SMTNL2: variants seen among roughly 807,000 people sequenced by gnomAD.
The protein encoded by SMTNL2 is smoothelin like 2.
In SMTNL2, 43 loss-of-function variants were observed where a neutral mutation model predicts 44.1. The observed-to-expected ratio is 0.98, with a 90% confidence interval of 0.76 to 1.26. The LOEUF is 1.26. SMTNL2 is among the 50% of genes most tolerant of loss of function. The pLI, the probability that SMTNL2 is intolerant of heterozygous loss-of-function variation, is 0.00. For synonymous variants in SMTNL2, 317 were observed against 287.6 expected (o/e 1.10, Z -1.03); for missense variants, 646 against 670.2 (o/e 0.96, Z 0.40).
rs1909920363 is a variant in SMTNL2 at position 4,598,860 on chromosome 17, G to A, written c.1259+1537G>A. On this transcript the variant is annotated intron_variant, in intron 7 of 7. Coordinates refer to ENST00000389313, the MANE Select transcript of SMTNL2 (RefSeq NM_001114974.2). The surrounding 1 kb of genome is among the most constrained non-coding windows in gnomAD (Gnocchi z 4.8). Reference sequence around the variant, plus strand: ...AAAAAGTGGTCCTCATGGGCTTGTTGGGTTAAAGGAGCCTCACCCCAGGCC... The same window carrying A: ...AAAAAGTGGTCCTCATGGGCTTGTTAGGTTAAAGGAGCCTCACCCCAGGCC... Among the ~76,000 whole-genome samples, 1 of 151,262 alleles carries A rather than the reference G, an allele frequency of 6.6e-6. No homozygotes were observed. Among genetic ancestry groups the A allele is most frequent in the African/African-American group, 2.4e-5 (1 of 41,236 alleles).
rs780751645 is a variant in SMTNL2, at chr17:4,607,479, T to C, written c.1378T>C (p.Phe460Leu). 6.8e-6 allele frequency: 11 copies of C among 1,613,956 alleles called. No individual in the cohort carries two copies. Among genetic ancestry groups the C allele is most frequent in the Non-Finnish European group, 9.3e-6 (11 of 1,179,960 alleles). ...VQSLYNHLRR[F>L]E ...GTCGCTGTACAACCACCTGCGTCGC[T>C]TCGAGTAAAGCCCCTGAGCCTGGAT... Residue 460 changes from phenylalanine to leucine, a missense_variant, in exon 8 of 8, where the codon TTC becomes CTC. Physicochemically the swap from Phe to Leu is conservative, Grantham distance 22. Coordinates refer to ENST00000389313, the MANE Select transcript of SMTNL2 (RefSeq NM_001114974.2). The surrounding 1 kb of genome is among the most constrained non-coding windows in gnomAD (Gnocchi z 4.7).
At chr17:4,586,275 G>C (rs920049093) in intron 1 of SMTNL2, among the ~76,000 whole-genome samples, 14 of 152,302 alleles carry the variant, frequency 9.2e-5, no homozygotes, top group Non-Finnish European at 2.1e-4. Flanking sequence ...TGCTCCGTGT[G>C]AAATGTCTGG....
Position 4,593,143 on chromosome 17 carries a change from C to A in SMTNL2, c.702C>A (p.Val234=). The change falls in exon 3 of 8, where the codon GTC becomes GTA. Residue 234 remains valine (V), a synonymous_variant. Transcript: ENST00000389313. ...LGGLNPSPSE[V]ITPWTPSPSE... The stretch of plus-strand genomic sequence containing the variant: ...GCCTCAACCCAAGCCCCAGCGAGGT[C>A]ATCACGCCCTGGACTCCCAGTCCTA... 1.2e-6 allele frequency: 2 copies of A among 1,609,598 alleles called. No individual in the cohort carries two copies. The highest frequency in any genetic ancestry group is 1.1e-5 in the South Asian group (1 of 90,830).
At chr17:4,603,478 GT>G (rs1196443483) in intron 7 of SMTNL2, among the ~76,000 whole-genome samples, 1 of 152,184 alleles carries the variant, frequency 6.6e-6, no homozygotes, top group African/African-American at 2.4e-5. Context: ...TCTGCAGAGG[GT>G]TCTGAGCTGT....
intron 1 of SMTNL2, among the ~76,000 whole-genome samples, chr17:4,590,208 C>G (rs11078521): frequency 0.28 from 42,144 of 151,690 alleles, 7,003 homozygotes; most frequent in East Asian, 0.55. Context: ...CTCAAGTGAT[C>G]CACCCGCCTC....
intron 1 of SMTNL2, among the ~76,000 whole-genome samples, chr17:4,589,261 CAT>C (rs879841230): frequency 4.6e-5 from 7 of 152,156 alleles, no homozygotes; most frequent in Non-Finnish European, 7.4e-5. Flanking sequence ...TATAGAGAAA[CAT>C]ATTTCCTGGG....
In SMTNL2 at chr17:4,598,987, G is replaced by A. The variant is rs1229230619; in HGVS notation, c.1259+1664G>A. On this transcript the variant is annotated intron_variant, in intron 7 of 7. Transcript: ENST00000389313. This position sits in a 1 kb window ranked among gnomAD's most constrained non-coding sequence, Gnocchi z 4.8. ...CCACCCCGGCCCCTGAGCCTGGCCAGGGAAAGAATCAGAGCCAGAGGGTCT... is the reference window on the plus strand; with the variant it reads ...CCACCCCGGCCCCTGAGCCTGGCCAAGGAAAGAATCAGAGCCAGAGGGTCT... Among the ~76,000 whole-genome samples, 26 of 152,192 alleles carry A rather than the reference G, an allele frequency of 1.7e-4. No homozygotes were observed. The highest frequency in any genetic ancestry group is 1.5e-5 in the Non-Finnish European group (1 of 68,014).
In SMTNL2 at chr17:4,603,554, A is replaced by G. The variant is rs184369946; in HGVS notation, c.1260-3807A>G. 2.0e-5 allele frequency among the ~76,000 whole-genome samples: 3 copies of G among 152,174 alleles called. No homozygotes were observed. In the East Asian group the frequency reaches 5.8e-4, roughly 29 times the overall value. On this transcript the variant is annotated intron_variant, in intron 7 of 7. Coordinates refer to ENST00000389313, the MANE Select transcript of SMTNL2 (RefSeq NM_001114974.2). ...ATGAACAAGCTGAGGCAGGGCCTTT[A>G]TAGAGGTGATTGGTGCTTCTGACGG...
intron 1 of SMTNL2, among the ~76,000 whole-genome samples, chr17:4,590,871 C>T (rs990871657): frequency 1.3e-5 from 2 of 152,222 alleles, no homozygotes; most frequent in South Asian, 4.1e-4. Context: ...TCTAAGGCGT[C>T]AAGTACCCAG....
At position 4,596,863 on chromosome 17, in the gene SMTNL2, G is replaced by A. The variant is rs1490496085; in HGVS notation, c.993G>A (p.Gly331=). The A allele has an allele frequency of 4.1e-6, 6 of 1,468,204 alleles. No homozygotes were observed. The highest frequency in any genetic ancestry group is 3.6e-6 in the Non-Finnish European group (4 of 1,107,718). 90.9% of individuals were successfully genotyped at this position (1,468,204 alleles called of 1,614,324 possible). ...CAGGCCTGCCGTCTCTCCGCAGGGG[G>A]AAAGGCGAGGCCCGGGCCAGGCTGA... ...KWEQETAAGK[G]KGEARARLKR... Residue 331 remains glycine (G), a synonymous_variant, in exon 6 of 8, where the codon GGG becomes GGA. Coordinates refer to ENST00000389313, the MANE Select transcript of SMTNL2 (RefSeq NM_001114974.2).
rs531436622 is a variant in SMTNL2 at position 4,600,043 on chromosome 17, C to A, written c.1259+2720C>A. Among the ~76,000 whole-genome samples the A allele has an allele frequency of 1.3e-5, 2 of 152,094 alleles. No individual in the cohort carries two copies. Among genetic ancestry groups the A allele is most frequent in the African/African-American group, 4.8e-5 (2 of 41,408 alleles). On this transcript the variant is annotated intron_variant, in intron 7 of 7. Coordinates refer to ENST00000389313, the MANE Select transcript of SMTNL2 (RefSeq NM_001114974.2). This position sits in a 1 kb window ranked among gnomAD's most constrained non-coding sequence, Gnocchi z 4.7. ...AGGGGCGTCCACCGCAGGCCTGTGCCGGGGGGTCGGGGGAGTTTGCTCAGA... is the reference window on the plus strand; with the variant it reads ...AGGGGCGTCCACCGCAGGCCTGTGCAGGGGGGTCGGGGGAGTTTGCTCAGA...
chr17:4,601,764 C>T (rs1166435008), intron 7 of SMTNL2, among the ~76,000 whole-genome samples: 3 of 152,042 alleles, frequency 2.0e-5, no homozygotes, highest in African/African-American at 7.2e-5. Flanking sequence ...AAGTGATCCT[C>T]CCGTCTCAGC....
In SMTNL2 at chr17:4,600,343, C is replaced by A. The variant is rs1909979911; in HGVS notation, c.1259+3020C>A. 6.6e-6 allele frequency among the ~76,000 whole-genome samples: 1 copy of A among 152,092 alleles called. No homozygotes were observed. The highest frequency in any genetic ancestry group is 2.4e-5 in the African/African-American group (1 of 41,400). ...TCCAGGGTCGTGCAGGCAGCAGGAC[C>A]ACAGAGCTAAGAAAGGCAGCCTGGG... On this transcript the variant is annotated intron_variant, in intron 7 of 7. Coordinates refer to ENST00000389313, the MANE Select transcript of SMTNL2 (RefSeq NM_001114974.2). This position sits in a 1 kb window ranked among gnomAD's most constrained non-coding sequence, Gnocchi z 4.7.
chr17:4,599,092 A>T (rs73333772), intron 7 of SMTNL2, among the ~76,000 whole-genome samples: 1 of 152,154 alleles, frequency 6.6e-6, no homozygotes. Flanking sequence ...TCTCTCTCCG[A>T]GGGCAGAATC....
chr17:4,606,146 T>C (rs1910268639), intron 7 of SMTNL2, among the ~76,000 whole-genome samples: 1 of 149,610 alleles, frequency 6.7e-6, no homozygotes, highest in Non-Finnish European at 1.5e-5. Context: ...TGAGACGGAG[T>C]CTTTCTTGCT....
chr17:4,596,447 G>C (rs1160920425), intron 5 of SMTNL2, among the ~76,000 whole-genome samples: 3 of 152,260 alleles, frequency 2.0e-5, no homozygotes, highest in African/African-American at 7.2e-5. Context: ...CAGGGAAGGA[G>C]GCACCCCATT....
chr17:4,605,153 G>GTTTTTTT (rs753950451), intron 7 of SMTNL2, among the ~76,000 whole-genome samples: 1 of 82,250 alleles, frequency 1.2e-5, no homozygotes, highest in African/African-American at 5.4e-5. Context: ...TTTTTGTTTG[G>GTTTTTTT]TTTTTTTTTT....
rs752233839 is a variant in SMTNL2 at position 4,593,048 on chromosome 17, G to A, written c.607G>A (p.Val203Ile). Reference sequence around the variant, plus strand: ...CCAGCCAGTCACGGCCATCACCCGAGTCTCTGACAGGTTCTCTGGGGAGAC... The same window carrying A: ...CCAGCCAGTCACGGCCATCACCCGAATCTCTGACAGGTTCTCTGGGGAGAC... ...PHQPVTAITR[V>I]SDRFSGETSA... The change falls in exon 3 of 8, where the codon GTC becomes ATC. Residue 203 changes from valine to isoleucine, a missense_variant. Coordinates refer to ENST00000389313, the MANE Select transcript of SMTNL2 (RefSeq NM_001114974.2). 12 of 1,613,948 alleles carry A rather than the reference G, an allele frequency of 7.4e-6. No homozygotes were observed. The Admixed American group carries it at 1.2e-4, about 16-fold the overall frequency.
chr17:4,593,972 GGGTT>G, intron 4 of SMTNL2, 75 bp downstream of exon 4: 1 of 1,550,292 alleles, frequency 6.5e-7, no homozygotes, highest in Non-Finnish European at 8.9e-7. Context: ...AGGCCGCCCA[GGGTT>G]GGCCCTGGGG....
Sources: allele counts gnomAD v4.1 joint callset (sites outside exome capture counted in the v4.1 genomes callset), GRCh38; gene constraint gnomAD v4.1.1; non-coding constraint Gnocchi (gnomAD v3.1); transcripts MANE v1.5; gene names NCBI Gene and HGNC (gene_info 2026-07-23, HGNC 2026-07-21).